RNGTT: variants seen among roughly 807,000 people sequenced by gnomAD.
RNGTT encodes mRNA-capping enzyme.
In RNGTT, 33 loss-of-function variants were observed where a neutral mutation model predicts 79.3. The ratio of observed to expected loss-of-function variants is 0.42; its 90% CI spans 0.32 to 0.56. The LOEUF (loss-of-function observed/expected upper bound fraction) is 0.56, where lower values mean the gene tolerates loss of function less well. Among genes scored for constraint, RNGTT ranks in the 20% least tolerant of loss-of-function variants. RNGTT has a pLI of 0.17. For missense variants in RNGTT, 497 were observed against 739.1 expected (o/e 0.67, Z 3.80); for synonymous variants, 222 against 235.9 (o/e 0.94, Z 0.54).
rs188521732 is a variant in RNGTT at position 88,755,738 on chromosome 6, G to A, written c.1439+14036C>T. Among the ~76,000 whole-genome samples, 4 of 152,122 alleles carry A rather than the reference G, an allele frequency of 2.6e-5. No homozygotes were observed. The East Asian group carries it at 5.8e-4, about 22-fold the overall frequency. On this transcript the variant is annotated intron_variant, in intron 13 of 15. Coordinates refer to ENST00000369485, the MANE Select transcript of RNGTT (RefSeq NM_003800.5). Reference sequence around the variant, plus strand: ...AGGACTTTGGGAGGCCAAGGCAGGTGCATCACGAGGTCAGGAGCTCAAGAC... The same window carrying A: ...AGGACTTTGGGAGGCCAAGGCAGGTACATCACGAGGTCAGGAGCTCAAGAC...
At chr6:88,709,082 G>C (rs1197032019) in intron 13 of RNGTT, among the ~76,000 whole-genome samples, 1 of 152,150 alleles carries the variant, frequency 6.6e-6, no homozygotes, top group Non-Finnish European at 1.5e-5. Context: ...GGCTGAGGCG[G>C]AGGGATCATG....
intron 13 of RNGTT, among the ~76,000 whole-genome samples, chr6:88,729,315 T>G (rs1474443058): frequency 6.7e-6 from 1 of 150,328 alleles, no homozygotes; most frequent in Non-Finnish European, 1.5e-5. Flanking sequence ...CACTGTCAAG[T>G]AACTAAAGTG....
chr6:88,901,465 A>G (rs1783455596), intron 6 of RNGTT, among the ~76,000 whole-genome samples: 1 of 150,202 alleles, frequency 6.7e-6, no homozygotes, highest in African/African-American at 2.4e-5. Context: ...TCAAAGTGCT[A>G]GAAAAAAAAT....
At chr6:88,959,460 T>C (rs1186187265) in intron 1 of RNGTT, among the ~76,000 whole-genome samples, 1 of 152,212 alleles carries the variant, frequency 6.6e-6, no homozygotes, top group Non-Finnish European at 1.5e-5. Flanking sequence ...GCCCTAATAA[T>C]ATCAACTATC....
At chr6:88,841,783 A>T (rs2127898627) in intron 11 of RNGTT, among the ~76,000 whole-genome samples, 1 of 152,354 alleles carries the variant, frequency 6.6e-6, no homozygotes, top group African/African-American at 2.4e-5. Context: ...TACAAACCTG[A>T]TTCTGGAATA....
chr6:88,644,765 C>T (rs1773472849), intron 14 of RNGTT, among the ~76,000 whole-genome samples: 1 of 152,202 alleles, frequency 6.6e-6, no homozygotes, highest in African/African-American at 2.4e-5. Context: ...ATGATTATCT[C>T]AATAGATGCA....
At chr6:88,922,686 C>G (rs190152014) in intron 4 of RNGTT, among the ~76,000 whole-genome samples, 1 of 152,238 alleles carries the variant, frequency 6.6e-6, no homozygotes, top group East Asian at 1.9e-4. Context: ...CGCCACCACG[C>G]CCAGCTAATT....
chr6:88,756,838 G>A (rs1336761624), intron 13 of RNGTT, among the ~76,000 whole-genome samples: 1 of 152,134 alleles, frequency 6.6e-6, no homozygotes, highest in African/African-American at 2.4e-5. Context: ...TGCTAGCAAC[G>A]TCGGGGAAAC....
chr6:88,712,698 C>T (rs1776359672), intron 13 of RNGTT, among the ~76,000 whole-genome samples: 1 of 152,198 alleles, frequency 6.6e-6, no homozygotes, highest in Non-Finnish European at 1.5e-5. Context: ...TCACCTCAAA[C>T]TGAGTCATTT....
At chr6:88,643,052 C>A (rs575820771) in intron 14 of RNGTT, among the ~76,000 whole-genome samples, 1 of 152,118 alleles carries the variant, frequency 6.6e-6, no homozygotes, top group South Asian at 2.1e-4. Flanking sequence ...TTGAAAATAT[C>A]ATTAAGTCAA....
chr6:88,963,220 C>T (rs1483429577), intron 1 of RNGTT, 126 bp downstream of exon 1: 1 of 899,858 alleles, frequency 1.1e-6, no homozygotes, highest in Non-Finnish European at 1.7e-6. Context: ...CGTAATCCGA[C>T]GGAGCATATC....
chr6:88,662,210 A>C (rs1236740254), intron 14 of RNGTT, among the ~76,000 whole-genome samples: 1 of 152,198 alleles, frequency 6.6e-6, no homozygotes, highest in Non-Finnish European at 1.5e-5. Flanking sequence ...AGAAAGCAAA[A>C]GGTTAAAAGA....
chr6:88,720,659 T>A (rs377318541), intron 13 of RNGTT, among the ~76,000 whole-genome samples: 9 of 152,232 alleles, frequency 5.9e-5, no homozygotes, highest in East Asian at 3.9e-4. Flanking sequence ...TTAATGAAAT[T>A]ATAATTTCAA....
chr6:88,823,004 A>G (rs1562270427), intron 11 of RNGTT, among the ~76,000 whole-genome samples: 2 of 152,200 alleles, frequency 1.3e-5, no homozygotes, highest in Admixed American at 6.5e-5. Flanking sequence ...ATAGGAGAAC[A>G]TATTTCTGAC....
intron 12 of RNGTT, among the ~76,000 whole-genome samples, chr6:88,797,333 T>C (rs1380145971): frequency 6.6e-6 from 1 of 152,108 alleles, no homozygotes; most frequent in East Asian, 1.9e-4. Flanking sequence ...AAAAGCTCCA[T>C]AAGTATAAGG....
At chr6:88,875,655 G>T (rs1480543028) in intron 8 of RNGTT, among the ~76,000 whole-genome samples, 2 of 152,096 alleles carry the variant, frequency 1.3e-5, no homozygotes, top group East Asian at 3.9e-4. Flanking sequence ...TTACAGCGTT[G>T]TGAGTATTAA....
chr6:88,663,672 T>C (rs1187299192), intron 14 of RNGTT, among the ~76,000 whole-genome samples: 1 of 152,148 alleles, frequency 6.6e-6, no homozygotes, highest in Non-Finnish European at 1.5e-5. Flanking sequence ...CCTGAGCCTC[T>C]GCAAGGTGTG....
At chr6:88,711,739 C>A (rs9294412) in intron 13 of RNGTT, among the ~76,000 whole-genome samples, 17,354 of 152,232 alleles carry the variant, frequency 0.11, 1,113 homozygotes, top group Middle Eastern at 0.23. Context: ...TAAATACCTA[C>A]ACGGATAAAC....
At chr6:88,870,578 T>C (rs976236216) in intron 8 of RNGTT, among the ~76,000 whole-genome samples, 1 of 151,854 alleles carries the variant, frequency 6.6e-6, no homozygotes, top group Non-Finnish European at 1.5e-5. Context: ...CTTCTGAGAT[T>C]TCAACTTAAG....
Sources: gnomAD v4.1 joint callset for allele counts (sites outside exome capture counted in the v4.1 genomes callset) on GRCh38, gnomAD v4.1.1 for gene constraint, MANE v1.5 for transcripts, NCBI Gene and HGNC (gene_info 2026-07-23, HGNC 2026-07-21) for gene names.